Variants in CNTLN observed in about 807,000 individuals in gnomAD.
CNTLN encodes the protein centlein, also known as centlein, centrosomal protein.
Under a neutral mutation model 180.0 loss-of-function variants are expected in CNTLN, and 212 were observed. That is an observed-to-expected ratio of 1.18 (90% CI 1.05 to 1.32). The LOEUF is 1.32. Among genes scored for constraint, CNTLN ranks in the 40% most tolerant of loss-of-function variants. The probability of loss-of-function intolerance (pLI) is 0.00; values close to 1 mark genes in which losing one functional copy is unlikely to be tolerated. For synonymous variants in CNTLN, 722 were observed against 563.1 expected, an observed-to-expected ratio of 1.28 and a Z score of -3.99; for missense variants, 2,095 against 1,610.9, an observed-to-expected ratio of 1.30 and a Z score of -5.14.
chr9:17,178,029 T>C (rs1587016193), intron 2 of CNTLN, among the ~76,000 whole-genome samples: 1 of 151,636 alleles, frequency 6.6e-6, no homozygotes, highest in Admixed American at 6.6e-5. Flanking sequence ...AGAGTGTTGA[T>C]TGGTGCATTC....
chr9:17,245,636 C>G (rs1014203318), intron 5 of CNTLN, among the ~76,000 whole-genome samples: 14 of 152,106 alleles, frequency 9.2e-5, no homozygotes, highest in African/African-American at 2.9e-4. Flanking sequence ...TATTTTCTAG[C>G]CTGACCTCTC....
intron 13 of CNTLN, among the ~76,000 whole-genome samples, chr9:17,379,465 A>T (rs1180520935): frequency 1.3e-5 from 2 of 152,076 alleles, no homozygotes; most frequent in African/African-American, 2.4e-5. Flanking sequence ...ATTTAGGAAG[A>T]TTACTGGACT....
At chr9:17,419,076 A>G (rs1268451261) in intron 18 of CNTLN, among the ~76,000 whole-genome samples, 4 of 152,050 alleles carry the variant, frequency 2.6e-5, no homozygotes, top group Admixed American at 6.6e-5. Context: ...GATTTTTTAC[A>G]TGTTTAGACT....
chr9:17,301,519 T>G, intron 7 of CNTLN: 2 of 984,946 alleles, frequency 2.0e-6, no homozygotes, highest in Non-Finnish European at 2.4e-6. Context: ...TCATTTTTCT[T>G]TTATTTTTGT....
chr9:17,508,925 C>T, the CNTLN span, among the ~76,000 whole-genome samples: 1 of 152,178 alleles, frequency 6.6e-6, no homozygotes, highest in Non-Finnish European at 1.5e-5. Context: ...TTTAGATGGA[C>T]CCCTCTGAAT....
chr9:17,184,742 A>G (rs1821328200), intron 2 of CNTLN, among the ~76,000 whole-genome samples: 1 of 152,214 alleles, frequency 6.6e-6, no homozygotes, highest in Admixed American at 6.5e-5. Flanking sequence ...CAATAGGAAT[A>G]CTCACACAAT....
chr9:17,219,824 G>A (rs1470301205), intron 2 of CNTLN, among the ~76,000 whole-genome samples: 3 of 152,002 alleles, frequency 2.0e-5, no homozygotes, highest in African/African-American at 7.2e-5. Context: ...TAGCCAATGT[G>A]GTTTCTGGTG....
chr9:17,458,819 T>C (rs1047545411), intron 19 of CNTLN, among the ~76,000 whole-genome samples: 1 of 151,898 alleles, frequency 6.6e-6, no homozygotes, highest in Non-Finnish European at 1.5e-5. Flanking sequence ...CATTTTATAA[T>C]CTTAAATAAC....
chr9:17,217,086 C>G (rs533298002), intron 2 of CNTLN, among the ~76,000 whole-genome samples: 1 of 152,320 alleles, frequency 6.6e-6, no homozygotes, highest in Non-Finnish European at 1.5e-5. Flanking sequence ...TGAAGAATCA[C>G]ATTCAAACTT....
intron 6 of CNTLN, among the ~76,000 whole-genome samples, chr9:17,290,840 T>G (rs1587518295): frequency 1.3e-5 from 2 of 152,186 alleles, no homozygotes; most frequent in East Asian, 3.9e-4. Context: ...GCTTCCCAGG[T>G]GAGGCAATGC....
At chr9:17,506,621 T>G (rs1053328801), downstream of CNTLN, among the ~76,000 whole-genome samples, 8 of 152,160 alleles carry the variant, frequency 5.3e-5, no homozygotes, top group Non-Finnish European at 1.2e-4. Flanking sequence ...TGCAGGATTC[T>G]TCCCAGTAGC....
At chr9:17,261,946 G>A (rs548890689) in intron 5 of CNTLN, among the ~76,000 whole-genome samples, 1 of 151,630 alleles carries the variant, frequency 6.6e-6, no homozygotes, top group African/African-American at 2.4e-5. Flanking sequence ...TTCAAAAGTG[G>A]ACATTTATGA....
intron 2 of CNTLN, among the ~76,000 whole-genome samples, chr9:17,148,009 A>G (rs1344116887): frequency 6.6e-6 from 1 of 152,154 alleles, no homozygotes; most frequent in African/African-American, 2.4e-5. Context: ...ACCCATTTGG[A>G]CTGTCTGTGT....
At chr9:17,220,750 T>C (rs975611705) in intron 2 of CNTLN, among the ~76,000 whole-genome samples, 1 of 152,190 alleles carries the variant, frequency 6.6e-6, no homozygotes, top group South Asian at 2.1e-4. Context: ...TTCAGCTCCA[T>C]CCCTGTCCCT....
intron 12 of CNTLN, among the ~76,000 whole-genome samples, chr9:17,361,061 T>G (rs1823345834): frequency 6.6e-6 from 1 of 152,218 alleles, no homozygotes; most frequent in South Asian, 2.1e-4. Context: ...TTTTTCCATT[T>G]TTTTAAATTA....
intron 7 of CNTLN, chr9:17,301,375 A>G: frequency 1.0e-6 from 1 of 985,350 alleles, no homozygotes; most frequent in South Asian, 4.7e-5. Context: ...TGATGGGGTT[A>G]TGTTGTGTTT....
the CNTLN span, among the ~76,000 whole-genome samples, chr9:17,513,640 T>A: frequency 5.9e-5 from 9 of 152,100 alleles, no homozygotes; most frequent in Non-Finnish European, 1.2e-4. Context: ...GAGGCTGCAG[T>A]GAGCTGTGAT....
chr9:17,501,377 T>G (rs1020459526), intron 25 of CNTLN, among the ~76,000 whole-genome samples: 2 of 152,250 alleles, frequency 1.3e-5, no homozygotes, highest in Admixed American at 1.3e-4. Flanking sequence ...GGTCTCTATT[T>G]CTCTTTCATG....
rs575190690 is a variant in CNTLN at position 17,428,903 on chromosome 9, G to T, written c.3114+12714G>T. On this transcript the variant is annotated intron_variant, in intron 18 of 25. Transcript: ENST00000380647. ...GAACTTTAATCATTGGATGACCTTT[G>T]TTATTTACTTTTTAAAAAAATTATA... 5.3e-5 allele frequency among the ~76,000 whole-genome samples: 8 copies of T among 151,802 alleles called. No individual in the cohort carries two copies. In the East Asian group the frequency reaches 1.5e-3, roughly 29 times the overall value.
Sources: allele counts gnomAD v4.1 joint callset (sites outside exome capture counted in the v4.1 genomes callset), GRCh38; gene constraint gnomAD v4.1.1; transcripts MANE v1.5; gene names NCBI Gene and HGNC (gene_info 2026-07-23, HGNC 2026-07-21).